BAIAP2: variants seen among roughly 807,000 people sequenced by gnomAD.
BAIAP2 encodes BAR/IMD domain-containing adapter protein 2.
In BAIAP2, 18 loss-of-function variants were observed where a neutral mutation model predicts 63.0. The ratio of observed to expected loss-of-function variants is 0.29; its 90% CI spans 0.20 to 0.42. The LOEUF (loss-of-function observed/expected upper bound fraction) is 0.42, where lower values mean the gene tolerates loss of function less well. BAIAP2 is among the 10% of genes least tolerant of loss of function. BAIAP2 has a pLI of 1.00. For synonymous variants in BAIAP2, 386 were observed against 307.6 expected (o/e 1.25, Z -2.67); for missense variants, 610 against 734.3 (o/e 0.83, Z 1.96).
chr17:81,049,797 C>T (rs1042870909), intron 1 of BAIAP2, among the ~76,000 whole-genome samples: 1 of 152,230 alleles, frequency 6.6e-6, no homozygotes, highest in African/African-American at 2.4e-5. Context: ...GGCTATGGGC[C>T]CCCGGACCAG....
chr17:81,048,682 C>T (rs1460797951), intron 1 of BAIAP2, among the ~76,000 whole-genome samples: 3 of 152,204 alleles, frequency 2.0e-5, no homozygotes, highest in African/African-American at 7.2e-5. Context: ...ACCTCTGCAA[C>T]TGATGGACAC....
chr17:81,057,973 ACCCCCCCC>A lies in BAIAP2; in HGVS notation c.217+15_217+22del, dbSNP rs60972273. ...CCAGGGCTCCAAAGAACTCGGTGAG[ACCCCCCCC>A]CCCCCCCCGCCTGGTAGTCGCCTGA... On this transcript the variant is annotated splice_region_variant and intron_variant, in intron 3 of 13. Coordinates refer to ENST00000428708, the MANE Select transcript of BAIAP2 (RefSeq NM_001144888.2). 2.9e-5 allele frequency: 22 copies of A among 765,734 alleles called. No individual in the cohort carries two copies. Among genetic ancestry groups the A allele is most frequent in the African/African-American group, 1.8e-4 (4 of 22,710 alleles). The allele number at this position is 765,734 out of a possible 1,614,324, so 47.4% of individuals were successfully genotyped here.
At chr17:81,066,835 GCCT>G (rs2051557802) in intron 3 of BAIAP2, among the ~76,000 whole-genome samples, 1 of 152,202 alleles carries the variant, frequency 6.6e-6, no homozygotes, top group South Asian at 2.1e-4. Flanking sequence ...ATGTGTCCCA[GCCT>G]CCTCCTGCAG....
rs778109095 is a variant in BAIAP2 at position 81,086,594 on chromosome 17, C to T, written c.489+14C>T. On this transcript the variant is annotated intron_variant, in intron 6 of 13. Transcript: ENST00000428708. ...AAGGAGCTGCAGGTAGGCCCGCCAC[C>T]CCCGCTGTGGTGCCTCTCCTGCCAC... 1.2e-6 allele frequency: 2 copies of T among 1,612,088 alleles called. No homozygotes were observed. The highest frequency in any genetic ancestry group is 2.7e-5 in the African/African-American group (2 of 74,884).
At chr17:81,074,555 G>A (rs192008151) in intron 3 of BAIAP2, among the ~76,000 whole-genome samples, 1 of 151,188 alleles carries the variant, frequency 6.6e-6, no homozygotes, top group African/African-American at 2.4e-5. Context: ...AGATGTGTGA[G>A]TGCCTGTTCG....
At chr17:81,084,554 G>A (rs929035907) in intron 3 of BAIAP2, among the ~76,000 whole-genome samples, 2 of 152,162 alleles carry the variant, frequency 1.3e-5, no homozygotes, top group African/African-American at 4.8e-5. Context: ...AAGCACACAC[G>A]GGCTCTTCCT....
At chr17:81,100,777 C>T (rs1401123900) in intron 7 of BAIAP2, among the ~76,000 whole-genome samples, 3 of 152,138 alleles carry the variant, frequency 2.0e-5, no homozygotes, top group Non-Finnish European at 2.9e-5. Context: ...CTCAGGTGGC[C>T]TCCCCAGTCC....
intron 3 of BAIAP2, among the ~76,000 whole-genome samples, chr17:81,064,884 C>G (rs901812365): frequency 6.6e-6 from 1 of 152,232 alleles, no homozygotes; most frequent in African/African-American, 2.4e-5. Context: ...AGCGCTTAGT[C>G]AGGGAATGGA....
At chr17:81,043,239 T>TC (rs769239835) in intron 1 of BAIAP2, among the ~76,000 whole-genome samples, 19 of 152,136 alleles carry the variant, frequency 1.2e-4, no homozygotes, top group Non-Finnish European at 2.6e-4. Flanking sequence ...TGGACCTGGG[T>TC]CCCCCCATAC....
In BAIAP2 at chr17:81,066,946, G is replaced by A. The variant is rs1295566327; in HGVS notation, c.217+8979G>A. On this transcript the variant is annotated intron_variant, in intron 3 of 13. Transcript: ENST00000428708. ...CCTCACGGCAGGGCCTTGCCTTGTA[G>A]GCTGCCAAGTCTTCCTGACAGACAC... is the stretch of plus-strand genomic sequence containing the variant. 5.3e-5 allele frequency among the ~76,000 whole-genome samples: 8 copies of A among 152,368 alleles called. No individual in the cohort carries two copies. The East Asian group carries it at 9.6e-4, about 18-fold the overall frequency.
intron 6 of BAIAP2, among the ~76,000 whole-genome samples, chr17:81,090,360 C>T (rs557640878): frequency 6.6e-5 from 10 of 152,252 alleles, no homozygotes; most frequent in Admixed American, 3.3e-4. Flanking sequence ...GACGGACCTC[C>T]GCCTCTGCTC....
At chr17:81,073,044 C>A (rs1315504461) in intron 3 of BAIAP2, among the ~76,000 whole-genome samples, 5 of 152,050 alleles carry the variant, frequency 3.3e-5, no homozygotes, top group African/African-American at 1.2e-4. Flanking sequence ...GACCCCCAGC[C>A]AGCAGACAGG....
chr17:81,089,169 C>T (rs1043117428), intron 6 of BAIAP2, among the ~76,000 whole-genome samples: 2 of 152,264 alleles, frequency 1.3e-5, no homozygotes, highest in African/African-American at 4.8e-5. Flanking sequence ...CTTCTCCTTG[C>T]TGATGGCTGG....
At chr17:81,097,670 C>G (rs1360058249) in intron 6 of BAIAP2, 1 of 155,030 alleles carries the variant, frequency 6.5e-6, no homozygotes, top group East Asian at 1.9e-4. Flanking sequence ...GAGGGTCTGC[C>G]TGAGGCCGGT....
intron 3 of BAIAP2, among the ~76,000 whole-genome samples, chr17:81,067,515 G>A (rs1432796961): frequency 6.6e-6 from 1 of 152,222 alleles, no homozygotes; most frequent in African/African-American, 2.4e-5. Flanking sequence ...ATTAGCAGCC[G>A]TCCTGATTGG....
chr17:81,086,749 G>A (rs2055727321), intron 6 of BAIAP2, among the ~76,000 whole-genome samples, 169 bp downstream of exon 6: 1 of 152,246 alleles, frequency 6.6e-6, no homozygotes, highest in South Asian at 2.1e-4. Context: ...ACGCCCCCAG[G>A]CCGGTGGGAT....
chr17:81,109,171 G>T (rs2059567957), intron 13 of BAIAP2: 1 of 1,418,812 alleles, frequency 7.0e-7, no homozygotes, highest in Non-Finnish European at 9.2e-7. Context: ...AGGGTCCATG[G>T]TGCTGCTCCA....
chr17:81,057,755 A>G (rs1420147229), intron 2 of BAIAP2, 126 bp from the exon 3 acceptor site: 2 of 1,416,850 alleles, frequency 1.4e-6, no homozygotes, highest in Non-Finnish European at 1.8e-6. Flanking sequence ...CGAGTCGAGT[A>G]TTCTCCCAGC....
chr17:81,108,497 G>A lies in BAIAP2; in HGVS notation c.1523G>A (p.Arg508Gln), dbSNP rs746358890. The change falls in exon 13 of 14, where the codon CGG becomes CAG. Residue 508 changes from arginine (R) to glutamine (Q), a missense_variant. Physicochemically the swap from Arg to Gln is conservative, Grantham distance 43. Transcript: ENST00000428708. ...CAGGGCCTGGATGACTATGGAGCGC[G>A]GTCCATGAGCAGGTAAGGGGACTTT... The part of the protein sequence containing the change: ...FSQGLDDYGA[R>Q]SMSRNPFAHV... The A allele has an allele frequency of 1.2e-5, 20 of 1,613,762 alleles. 1 individual carries two copies. The highest frequency in any genetic ancestry group is 1.6e-4 in the Middle Eastern group (1 of 6,084).
Sources: gnomAD v4.1 joint callset for allele counts (sites outside exome capture counted in the v4.1 genomes callset) on GRCh38, gnomAD v4.1.1 for gene constraint, MANE v1.5 for transcripts, NCBI Gene and HGNC (gene_info 2026-07-23, HGNC 2026-07-21) for gene names.